DLC1: variants seen among roughly 807,000 people sequenced by gnomAD.
DLC1 encodes rho GTPase-activating protein 7.
In DLC1, 54 loss-of-function variants were observed where a neutral mutation model predicts 140.3. That is an observed-to-expected ratio of 0.38 (90% CI 0.31 to 0.48). DLC1 has a LOEUF of 0.48. Among genes scored for constraint, DLC1 ranks in the 20% least tolerant of loss-of-function variants. The pLI, the probability that DLC1 is intolerant of heterozygous loss-of-function variation, is 0.96. For synonymous variants in DLC1, 986 were observed against 728.1 expected (o/e 1.35, Z -5.70); for missense variants, 2,536 against 1,907.0 (o/e 1.33, Z -6.14).
chr8:13,533,902 T>C (rs944101940), intron 1 of DLC1, among the ~76,000 whole-genome samples: 1 of 152,162 alleles, frequency 6.6e-6, no homozygotes. Context: ...TGCATCTCCT[T>C]CTCATTCCAC....
intron 2 of DLC1, among the ~76,000 whole-genome samples, chr8:13,495,425 G>T (rs917258679): frequency 6.6e-6 from 1 of 152,142 alleles, no homozygotes. Context: ...CCAGAGACCA[G>T]CCAGGCCCTG....
Position 13,088,204 on chromosome 8 carries a change from CGAGTAG to C in DLC1, c.4292+277_4292+282del, listed in dbSNP as rs879281291. Among the ~76,000 whole-genome samples, 713 of 152,300 alleles carry C rather than the reference CGAGTAG, an allele frequency of 4.7e-3. 13 individuals carry two copies. The highest frequency in any genetic ancestry group is 0.045 in the East Asian group (234 of 5,182). ...AAGGGATCCTCCTGCCTCGGCCTCC[CGAGTAG>C]CTAGGACTACAGGCATGCACCACAA... On this transcript the variant is annotated intron_variant, in intron 16 of 17. Transcript: ENST00000276297.
At chr8:13,524,883 A>G (rs180843684) in intron 1 of DLC1, among the ~76,000 whole-genome samples, 1 of 152,300 alleles carries the variant, frequency 6.6e-6, no homozygotes, top group East Asian at 1.9e-4. Context: ...GAACAATTTG[A>G]TTGCTTTTGA....
At chr8:13,156,431 C>G (rs909124394) in intron 5 of DLC1, among the ~76,000 whole-genome samples, 25 of 152,182 alleles carry the variant, frequency 1.6e-4, no homozygotes, top group African/African-American at 5.1e-4. Context: ...TATATTAGCT[C>G]TCACTATGCT....
In DLC1 at chr8:13,359,361, G is replaced by C. The variant is rs371861385; in HGVS notation, c.1314+34192C>G. ...ATTTGGCTTTGTTGGGTAATGTTAC[G>C]CTCAGGTAATGCTATACAAATCTGG... On this transcript the variant is annotated intron_variant, in intron 4 of 17. Coordinates refer to ENST00000276297, the MANE Select transcript of DLC1 (RefSeq NM_182643.3). 9.7e-4 allele frequency among the ~76,000 whole-genome samples: 147 copies of C among 152,206 alleles called. 1 individual carries two copies. The highest frequency in any genetic ancestry group is 3.4e-3 in the African/African-American group (143 of 41,520).
chr8:13,089,153 G>T (rs1352834192), intron 15 of DLC1, among the ~76,000 whole-genome samples: 3 of 152,072 alleles, frequency 2.0e-5, no homozygotes, highest in South Asian at 4.1e-4. Flanking sequence ...CAGCTACTCA[G>T]GAGGCTGAGG....
At chr8:13,579,364 T>TTATATA (rs1804982466) in intron 1 of DLC1, among the ~76,000 whole-genome samples, 7 of 37,264 alleles carry the variant, frequency 1.9e-4, no homozygotes, top group Admixed American at 9.7e-4. Context: ...TATATATATT[T>TTATATA]TTATATAATA....
chr8:13,502,959 C>T (rs1241952770), intron 1 of DLC1, among the ~76,000 whole-genome samples: 1 of 152,172 alleles, frequency 6.6e-6, no homozygotes, highest in African/African-American at 2.4e-5. Context: ...ACTGTATGTA[C>T]TTCTAATGAT....
At chr8:13,403,697 G>A (rs1008803910) in intron 2 of DLC1, among the ~76,000 whole-genome samples, 1 of 151,628 alleles carries the variant, frequency 6.6e-6, no homozygotes, top group Non-Finnish European at 1.5e-5. Context: ...GTGCAGTGCA[G>A]TGGCACGATG....
intron 5 of DLC1, among the ~76,000 whole-genome samples, chr8:13,213,103 G>A (rs187436050): frequency 6.6e-6 from 1 of 152,294 alleles, no homozygotes; most frequent in East Asian, 1.9e-4. Flanking sequence ...CAAAGATACA[G>A]TGAAAGACTT....
At chr8:13,504,956 C>T (rs1217295382) in intron 1 of DLC1, among the ~76,000 whole-genome samples, 1 of 151,906 alleles carries the variant, frequency 6.6e-6, no homozygotes, top group Non-Finnish European at 1.5e-5. Context: ...CACATAACTC[C>T]TAAAGTTGTC....
At position 13,564,499 on chromosome 8, in the gene DLC1, C is replaced by G. The variant is rs142500208; in HGVS notation, c.-126+40038G>C. ...TTTGAAGGCTCTGTCATCGTAGTCT[C>G]TCTTATACTTAAACTAGACTCCCAC... On this transcript the variant is annotated intron_variant, in intron 1 of 1. Transcript: ENST00000631382. Among the ~76,000 whole-genome samples the G allele has an allele frequency of 1.7e-3, 264 of 152,274 alleles. 3 individuals carry two copies. Among genetic ancestry groups the G allele is most frequent in the African/African-American group, 5.9e-3 (246 of 41,558 alleles).
In DLC1 at chr8:13,373,459, A is replaced by G. The variant is rs368595066; in HGVS notation, c.1314+20094T>C. The stretch of plus-strand genomic sequence containing the variant: ...GGGCTGATGATCTCCTCATCTTGTT[A>G]GTTAAACCCAGTTGTCCTGATCTGT... On this transcript the variant is annotated intron_variant, in intron 4 of 17. Transcript: ENST00000276297. Among the ~76,000 whole-genome samples the G allele has an allele frequency of 2.8e-4, 42 of 152,302 alleles. No individual in the cohort carries two copies. In the East Asian group the frequency reaches 4.4e-3, roughly 16 times the overall value.
chr8:13,397,594 C>T (rs1437532672), intron 3 of DLC1, among the ~76,000 whole-genome samples: 5 of 151,552 alleles, frequency 3.3e-5, no homozygotes, highest in Non-Finnish European at 4.4e-5. Flanking sequence ...ATTGGGAGGC[C>T]GAGGTGGGAA....
chr8:13,091,277 C>A (rs768227109), intron 14 of DLC1, 41 bp downstream of exon 14: 1 of 1,600,272 alleles, frequency 6.2e-7, no homozygotes, highest in South Asian at 1.1e-5. Flanking sequence ...TACCTATTCA[C>A]ATTATCCTTA....
intron 4 of DLC1, among the ~76,000 whole-genome samples, chr8:13,387,629 C>G (rs374101033): frequency 6.6e-6 from 1 of 151,860 alleles, no homozygotes; most frequent in Admixed American, 6.6e-5. Flanking sequence ...AAGGGAAAAC[C>G]TTGGTGGTTT....
intron 5 of DLC1, among the ~76,000 whole-genome samples, chr8:13,254,966 C>CT (rs33978356): frequency 0.4 from 60,160 of 150,338 alleles, 12,376 homozygotes; most frequent in East Asian, 0.78. Context: ...TTAAAGTACT[C>CT]TTTTTTTTTC....
intron 1 of DLC1, among the ~76,000 whole-genome samples, chr8:13,511,526 C>A (rs1369899831): frequency 6.6e-6 from 1 of 152,114 alleles, no homozygotes; most frequent in Non-Finnish European, 1.5e-5. Flanking sequence ...AAAACAGAAC[C>A]ATAGAAGTAA....
intron 4 of DLC1, among the ~76,000 whole-genome samples, chr8:13,345,643 T>C (rs376506627): frequency 8.5e-5 from 12 of 141,686 alleles, no homozygotes; most frequent in African/African-American, 3.1e-4. Context: ...AACCTCTGTC[T>C]GCCTCCCGGC....
Sources: gnomAD v4.1 joint callset for allele counts (sites outside exome capture counted in the v4.1 genomes callset) on GRCh38, gnomAD v4.1.1 for gene constraint, MANE v1.5 for transcripts, NCBI Gene and HGNC (gene_info 2026-07-23, HGNC 2026-07-21) for gene names.